PRKAG2: variants seen among roughly 807,000 people sequenced by gnomAD.
PRKAG2 encodes 5'-AMP-activated protein kinase subunit gamma-2.
PRKAG2 carries 26 observed loss-of-function variants against 69.6 expected under a neutral mutation model. The observed-to-expected ratio is 0.37, with a 90% confidence interval of 0.27 to 0.52. The LOEUF is 0.52. PRKAG2 is among the 20% of genes least tolerant of loss of function. The pLI is 0.90. For synonymous variants in PRKAG2, 293 were observed against 285.0 expected (o/e 1.03, Z -0.28); for missense variants, 557 against 740.0 (o/e 0.75, Z 2.87).
At position 151,692,167 on chromosome 7, in the gene PRKAG2, G is replaced by A. The variant is rs180697646; in HGVS notation, c.467-16530C>T. 9.9e-5 allele frequency among the ~76,000 whole-genome samples: 15 copies of A among 151,782 alleles called. 1 individual carries two copies. The highest frequency in any genetic ancestry group is 2.9e-4 in the African/African-American group (12 of 41,412). On this transcript the variant is annotated intron_variant, in intron 3 of 15. Coordinates refer to ENST00000287878, the MANE Select transcript of PRKAG2 (RefSeq NM_016203.4). ...TGCGCCACAGCACTACAGCCTGGGC[G>A]ACAAAGTGAGACCCTGTCTCAAAAC...
chr7:151,716,084 AG>A (rs1796141581), intron 3 of PRKAG2, among the ~76,000 whole-genome samples: 1 of 152,208 alleles, frequency 6.6e-6, no homozygotes, highest in East Asian at 1.9e-4. Context: ...GAGGACACAC[AG>A]GGCTTCAGTA....
intron 5 of PRKAG2, among the ~76,000 whole-genome samples, chr7:151,602,026 T>A (rs1287360258): frequency 6.6e-6 from 1 of 152,238 alleles, no homozygotes; most frequent in Non-Finnish European, 1.5e-5. Context: ...AGGGCCCTGC[T>A]TAAGAAAGGC....
intron 3 of PRKAG2, among the ~76,000 whole-genome samples, chr7:151,721,097 G>A (rs1324291521): frequency 6.6e-6 from 1 of 151,264 alleles, no homozygotes; most frequent in South Asian, 2.1e-4. Flanking sequence ...ACAGAGGGCA[G>A]AGGGGGACAG....
intron 1 of PRKAG2, among the ~76,000 whole-genome samples, chr7:151,834,692 G>A (rs188717941): frequency 6.6e-6 from 1 of 152,344 alleles, no homozygotes; most frequent in East Asian, 1.9e-4. Context: ...GTGCAGAGAG[G>A]TTTAAGCCCC....
At chr7:151,796,784 G>A (rs915886617) in intron 1 of PRKAG2, among the ~76,000 whole-genome samples, 19 of 152,222 alleles carry the variant, frequency 1.2e-4, no homozygotes, top group South Asian at 1.0e-3. Context: ...ACGGCCCGGG[G>A]GCCAGTAAAC....
At chr7:151,566,239 T>A (rs1240381986) in intron 11 of PRKAG2, among the ~76,000 whole-genome samples, 1 of 152,248 alleles carries the variant, frequency 6.6e-6, no homozygotes. Flanking sequence ...CCTTTATTCT[T>A]AATTGTTCAT....
Position 151,780,204 on chromosome 7 carries a change from G to A in PRKAG2, c.466+948C>T, listed in dbSNP as rs1043314471. On this transcript the variant is annotated intron_variant, in intron 3 of 15. Transcript: ENST00000287878. The surrounding 1 kb of genome is among the most constrained non-coding windows in gnomAD (Gnocchi z 4.2). ...GAGGCTGACAGAGACCTGGCTTCTC[G>A]TCCTACAGCCACTGCTGCCTGATGG... 1.1e-4 allele frequency among the ~76,000 whole-genome samples: 16 copies of A among 152,334 alleles called. No individual in the cohort carries two copies. The highest frequency in any genetic ancestry group is 1.6e-4 in the Non-Finnish European group (11 of 68,026).
Position 151,614,166 on chromosome 7 carries a change from G to A in PRKAG2, c.754+17903C>T, listed in dbSNP as rs1005686348. On this transcript the variant is annotated intron_variant, in intron 5 of 15. Transcript: ENST00000287878. This position sits in a 1 kb window ranked among gnomAD's most constrained non-coding sequence, Gnocchi z 4.4. ...AGCGCCCCAGCCAGCACTCCAACAC[G>A]GCCTGTCAGGGGAGGTGACGCTGTC... 6.6e-6 allele frequency among the ~76,000 whole-genome samples: 1 copy of A among 152,114 alleles called. No homozygotes were observed. Among genetic ancestry groups the A allele is most frequent in the Non-Finnish European group, 1.5e-5 (1 of 68,010 alleles).
chr7:151,589,496 G>C (rs530613274), intron 6 of PRKAG2, among the ~76,000 whole-genome samples: 3 of 152,360 alleles, frequency 2.0e-5, no homozygotes, highest in African/African-American at 7.2e-5. Context: ...CTGGGAATCA[G>C]ACTTTGAGAA....
chr7:151,786,314 G>A (rs2077003555), intron 2 of PRKAG2, among the ~76,000 whole-genome samples, 156 bp downstream of exon 2: 1 of 152,228 alleles, frequency 6.6e-6, no homozygotes, highest in Non-Finnish European at 1.5e-5. Context: ...CATGCGAGGT[G>A]AGCTGTCGCA....
At position 151,868,608 on chromosome 7, in the gene PRKAG2, G is replaced by A. The variant is rs377017343; in HGVS notation, c.114+7899C>T. 1.4e-3 allele frequency among the ~76,000 whole-genome samples: 213 copies of A among 152,364 alleles called. 1 individual carries two copies. Among genetic ancestry groups the A allele is most frequent in the African/African-American group, 4.7e-3 (197 of 41,592 alleles). ...TCAGGATGGGCTGGTTCACCGTCCT[G>A]AAAGGACGGCAGACAGCTGGTGCTT... On this transcript the variant is annotated intron_variant, in intron 1 of 15. Coordinates refer to ENST00000287878, the MANE Select transcript of PRKAG2 (RefSeq NM_016203.4).
intron 3 of PRKAG2, among the ~76,000 whole-genome samples, chr7:151,682,710 C>G (rs983024345): frequency 2.6e-5 from 4 of 151,676 alleles, no homozygotes; most frequent in Non-Finnish European, 5.9e-5. Flanking sequence ...TCCCTGTAGT[C>G]TGTAGGAGAA....
At chr7:151,831,915 G>C (rs1040753299) in intron 1 of PRKAG2, among the ~76,000 whole-genome samples, 1 of 152,146 alleles carries the variant, frequency 6.6e-6, no homozygotes, top group Non-Finnish European at 1.5e-5. Context: ...AACCGAGACG[G>C]GAGAGAGGGG....
At chr7:151,860,025 G>A (rs1038963136) in intron 1 of PRKAG2, among the ~76,000 whole-genome samples, 9 of 152,164 alleles carry the variant, frequency 5.9e-5, no homozygotes, top group Admixed American at 1.3e-4. Flanking sequence ...CTGGGCTGAC[G>A]GAGGTGGCCG....
At chr7:151,782,648 T>G (rs2076778446) in intron 2 of PRKAG2, among the ~76,000 whole-genome samples, 1 of 152,174 alleles carries the variant, frequency 6.6e-6, no homozygotes, top group Non-Finnish European at 1.5e-5. Flanking sequence ...GGTGCCGGTA[T>G]TTGGCCCCTG....
At chr7:151,670,024 A>G (rs941085033) in intron 4 of PRKAG2, among the ~76,000 whole-genome samples, 12 of 115,786 alleles carry the variant, frequency 1.0e-4, no homozygotes, top group African/African-American at 3.5e-4. Flanking sequence ...ACCTGCATGC[A>G]CACACACCTG....
intron 5 of PRKAG2, among the ~76,000 whole-genome samples, chr7:151,608,179 AAGGAACCACCCCTGCTGAGGACTT>A (rs1295544955): frequency 1.3e-5 from 2 of 152,126 alleles, no homozygotes; most frequent in African/African-American, 4.8e-5. Context: ...CAGCCTCCAG[AAGGAACCACCCCTGCTGAGGACTT>A]AGGAACCAAC....
intron 1 of PRKAG2, among the ~76,000 whole-genome samples, chr7:151,820,162 G>T (rs1483857079): frequency 6.6e-6 from 1 of 152,226 alleles, no homozygotes; most frequent in Non-Finnish European, 1.5e-5. Flanking sequence ...AGAAGTGAGA[G>T]GAGGAAGGAC....
At chr7:151,688,238 G>GC (rs965271682) in intron 3 of PRKAG2, among the ~76,000 whole-genome samples, 16 of 152,098 alleles carry the variant, frequency 1.1e-4, no homozygotes, top group East Asian at 3.9e-4. Flanking sequence ...CTGGGCAGGA[G>GC]CCCCCCCAGG....
Sources: gnomAD v4.1 joint callset for allele counts (sites outside exome capture counted in the v4.1 genomes callset) on GRCh38, gnomAD v4.1.1 for gene constraint, Gnocchi (gnomAD v3.1) non-coding constraint, MANE v1.5 for transcripts, NCBI Gene and HGNC (gene_info 2026-07-23, HGNC 2026-07-21) for gene names.